CDK18: variants seen among roughly 807,000 people sequenced by gnomAD.
CDK18 encodes the protein cyclin dependent kinase 18.
A neutral mutation model predicts 62.0 loss-of-function variants in CDK18; 52 were observed. The ratio of observed to expected loss-of-function variants is 0.84; its 90% confidence interval spans 0.67 to 1.06. CDK18 has a LOEUF of 1.06. CDK18 is among the 50% of genes least tolerant of loss of function. The probability of loss-of-function intolerance (pLI) is 0.00; values close to 1 mark genes in which losing one functional copy is unlikely to be tolerated. For synonymous variants in CDK18, 237 were observed against 247.0 expected (o/e 0.96, Z 0.38); for missense variants, 604 against 619.9 (o/e 0.97, Z 0.27).
In CDK18 at chr1:205,528,197, G is replaced by A. The variant is rs189431921; in HGVS notation, c.974+29G>A. ...AGTGAGCACTGTGGGGACCGAGGAG[G>A]GGAGGACAGGCCTGGCCACACCTCC... On this transcript the variant is annotated intron_variant, in intron 10 of 15. Transcript: ENST00000429964. The surrounding 1 kb of genome is among the most constrained non-coding windows in gnomAD (Gnocchi z 4.2). 1.7e-4 allele frequency: 281 copies of A among 1,611,672 alleles called. No homozygotes were observed. The highest frequency in any genetic ancestry group is 2.7e-5 in the Non-Finnish European group (32 of 1,179,316).
chr1:205,524,188 C>G, intron 3 of CDK18, 44 bp from the exon 4 acceptor site: 1 of 1,613,552 alleles, frequency 6.2e-7, no homozygotes, highest in Non-Finnish European at 8.5e-7. Context: ...CCTAGCTACC[C>G]TGAAACCAAC....
intron 11 of CDK18, 105 bp from the exon 12 acceptor site, chr1:205,529,219 T>TG: frequency 5.2e-6 from 7 of 1,344,772 alleles, no homozygotes; most frequent in Non-Finnish European, 6.2e-6. Flanking sequence ...GGACCCCCTG[T>TG]GGCCTCGGCC....
chr1:205,514,631 A>G (rs1667729351), intron 1 of CDK18, among the ~76,000 whole-genome samples: 1 of 152,172 alleles, frequency 6.6e-6, no homozygotes, highest in Non-Finnish European at 1.5e-5. Context: ...TGAGGGATCT[A>G]ATGTTTCCAT....
chr1:205,530,529 AG>A, intron 14 of CDK18, 98 bp from the exon 15 acceptor site: 1 of 1,251,756 alleles, frequency 8.0e-7, no homozygotes, highest in Non-Finnish European at 1.2e-6. Flanking sequence ...AGTGGAAATG[AG>A]ACGCTGCCTC....
chr1:205,530,231 C>A (rs766654648), intron 13 of CDK18, 28 bp from the exon 14 acceptor site: 2 of 1,609,052 alleles, frequency 1.2e-6, no homozygotes, highest in South Asian at 2.2e-5. Flanking sequence ...CCCAGCCGGG[C>A]CCAATAGCCC....
chr1:205,509,763 A>C (rs1303193098), intron 1 of CDK18, among the ~76,000 whole-genome samples: 2 of 152,012 alleles, frequency 1.3e-5, no homozygotes, highest in African/African-American at 4.8e-5. Context: ...TCAGCCCCCA[A>C]ATTGGGAAGA....
chr1:205,521,007 A>C (rs889402495), intron 1 of CDK18, among the ~76,000 whole-genome samples: 4 of 152,308 alleles, frequency 2.6e-5, no homozygotes, highest in Non-Finnish European at 2.9e-5. Flanking sequence ...GATGACTGAC[A>C]GGAAGGAGTT....
chr1:205,522,510 C>T (rs960212645), intron 1 of CDK18: 4 of 152,262 alleles, frequency 2.6e-5, no homozygotes, highest in Non-Finnish European at 5.9e-5. Context: ...TCCCTTCCTC[C>T]TCTTTTTCCC....
Position 205,530,711 on chromosome 1 carries a change from G to A in CDK18, c.1390+6G>A, listed in dbSNP as rs749731036. 9.3e-6 allele frequency: 15 copies of A among 1,612,084 alleles called. No individual in the cohort carries two copies. In the South Asian group the frequency reaches 1.5e-4, roughly 17 times the overall value. On this transcript the variant is annotated splice_donor_region_variant and intron_variant, in intron 15 of 15. Transcript: ENST00000429964. ...CTTGGCCTTCCAGCAGCCAGGTAGG[G>A]GCTTGTGCTCTCCTGGACCCCTCCC...
At position 205,528,407 on chromosome 1, in the gene CDK18, G is replaced by A. The variant is rs1045570824; in HGVS notation, c.974+239G>A. Among the ~76,000 whole-genome samples, 3 of 152,188 alleles carry A rather than the reference G, an allele frequency of 2.0e-5. No homozygotes were observed. Among genetic ancestry groups the A allele is most frequent in the East Asian group, 3.9e-4 (2 of 5,188 alleles). ...ATTTGAAATCCTCCCCCAGAGGCCT[G>A]TGGGGGGTTACCAGAGACCCAGAGG... On this transcript the variant is annotated intron_variant, in intron 10 of 15. Coordinates refer to ENST00000429964, the MANE Select transcript of CDK18 (RefSeq NM_212502.3). The surrounding 1 kb of genome is among the most constrained non-coding windows in gnomAD (Gnocchi z 4.2).
At chr1:205,519,949 G>A (rs1410979046) in intron 1 of CDK18, among the ~76,000 whole-genome samples, 1 of 152,150 alleles carries the variant, frequency 6.6e-6, no homozygotes, top group African/African-American at 2.4e-5. Context: ...GTTTTATGGG[G>A]AAGCCCTGTT....
At chr1:205,507,017 G>A (rs894551879) in intron 1 of CDK18, among the ~76,000 whole-genome samples, 3 of 152,146 alleles carry the variant, frequency 2.0e-5, no homozygotes, top group East Asian at 1.9e-4. Flanking sequence ...TACTTGGGCC[G>A]TCCCGCACTC....
In CDK18 at chr1:205,525,282, C is replaced by A; in HGVS notation, c.456+87C>A. 4 of 953,954 alleles carry A rather than the reference C, an allele frequency of 4.2e-6. No homozygotes were observed. In the South Asian group the frequency reaches 6.4e-5, roughly 15 times the overall value. The allele number at this position is 953,954 out of a possible 1,614,324, so 59.1% of individuals were successfully genotyped here. ...ACCTCCCTAGTCGGCCCTCTCTGGT[C>A]GGCCCTCTCTGGTTGGCCCTCTCCT... On this transcript the variant is annotated intron_variant, in intron 5 of 15. Transcript: ENST00000429964.
intron 6 of CDK18, 61 bp from the exon 7 acceptor site, chr1:205,526,306 G>A: frequency 2.0e-6 from 3 of 1,503,738 alleles, no homozygotes; most frequent in East Asian, 2.3e-5. Flanking sequence ...CTGACCCCAA[G>A]AAAAGAGGGT....
chr1:205,514,297 C>A (rs1667714397), intron 1 of CDK18, among the ~76,000 whole-genome samples: 1 of 152,104 alleles, frequency 6.6e-6, no homozygotes, highest in Admixed American at 6.6e-5. Context: ...CTCCCTAGTC[C>A]CCCATCCATC....
intron 1 of CDK18, among the ~76,000 whole-genome samples, chr1:205,505,308 T>C (rs1342127290): frequency 1.3e-5 from 2 of 152,086 alleles, no homozygotes; most frequent in African/African-American, 4.8e-5. Context: ...TCTGGTGAAC[T>C]TTCCAGAGCG....
rs770810813 is a variant in CDK18 at position 205,531,503 on chromosome 1, G to A, written c.*125G>A. The A allele has an allele frequency of 5.7e-5, 49 of 860,996 alleles. No homozygotes were observed. The highest frequency in any genetic ancestry group is 8.2e-5 in the Non-Finnish European group (42 of 515,252). 53.3% of individuals were successfully genotyped at this position (860,996 alleles called of 1,614,324 possible). ...GGGCTGACAGCCAGCCTGGAAGACCGCTTGGCAGCCCTTCTGGCCACGGCT... is the reference window on the plus strand; with the variant it reads ...GGGCTGACAGCCAGCCTGGAAGACCACTTGGCAGCCCTTCTGGCCACGGCT... On this transcript the variant is annotated 3_prime_UTR_variant, in exon 16 of 16. Coordinates refer to ENST00000429964, the MANE Select transcript of CDK18 (RefSeq NM_212502.3).
chr1:205,524,836 T>C (rs28530686), intron 4 of CDK18, among the ~76,000 whole-genome samples: 2 of 151,986 alleles, frequency 1.3e-5, no homozygotes, highest in South Asian at 2.1e-4. Context: ...CAAGGTACAA[T>C]GGGAAAAAAG....
chr1:205,518,521 A>C (rs569770427), intron 1 of CDK18, among the ~76,000 whole-genome samples: 1 of 152,356 alleles, frequency 6.6e-6, no homozygotes, highest in East Asian at 1.9e-4. Context: ...AGCCTGGGCC[A>C]CAGGGAAGGG....
Sources: allele counts gnomAD v4.1 joint callset (sites outside exome capture counted in the v4.1 genomes callset), GRCh38; gene constraint gnomAD v4.1.1; non-coding constraint Gnocchi (gnomAD v3.1); transcripts MANE v1.5; gene names NCBI Gene and HGNC (gene_info 2026-07-23, HGNC 2026-07-21).